Variants in SMAGP observed in about 807,000 individuals in gnomAD.
SMAGP encodes the protein small cell transmembrane and glycosylated protein.
A neutral mutation model predicts 10.1 loss-of-function variants in SMAGP; 7 were observed. The ratio of observed to expected loss-of-function variants is 0.70; its 90% confidence interval spans 0.40 to 1.31. The LOEUF (loss-of-function observed/expected upper bound fraction) is 1.31. SMAGP is among the 50% of genes most tolerant of loss of function. The pLI is 0.01. For synonymous variants in SMAGP, 49 were observed against 47.2 expected (o/e 1.04, Z -0.16); for missense variants, 113 against 116.5 (o/e 0.97, Z 0.14).
rs1945004570 is a variant in SMAGP, at chr12:51,269,254, AAGG to A, written c.22_24del (p.Pro8del). The A allele has an allele frequency of 6.2e-7, 1 of 1,613,806 alleles. No individual in the cohort carries two copies. The highest frequency in any genetic ancestry group is 8.5e-7 in the Non-Finnish European group (1 of 1,179,794). ...AAAGGCCTTCACCTACCTCTTGGAG[AAGG>A]AGTAGTCAGGAGGCTGGTCATTGTC... On this transcript the variant is annotated inframe_deletion, in exon 2 of 4. Coordinates refer to ENST00000603798, the MANE Select transcript of SMAGP (RefSeq NM_001031628.2).
intron 2 of SMAGP, among the ~76,000 whole-genome samples, chr12:51,268,586 T>TCCTCCCTCCTCCCCC (rs57975745): frequency 1.5e-4 from 21 of 138,126 alleles, no homozygotes; most frequent in East Asian, 2.2e-4. Flanking sequence ...TCCTTTCCTT[T>TCCTCCCTCCTCCCCC]CCTCCCTCCC....
At chr12:51,253,947 T>C (rs1354944043) in intron 2 of SMAGP, among the ~76,000 whole-genome samples, 3 of 152,182 alleles carry the variant, frequency 2.0e-5, no homozygotes, top group East Asian at 3.9e-4. Flanking sequence ...ATTCCACTTA[T>C]ATGATGTGCT....
chr12:51,262,580 G>A (rs76897133), intron 2 of SMAGP, among the ~76,000 whole-genome samples: 2,325 of 152,142 alleles, frequency 0.015, 62 homozygotes, highest in African/African-American at 0.053. Context: ...ATTCTCTCCC[G>A]TTTCTACCCC....
intron 2 of SMAGP, among the ~76,000 whole-genome samples, chr12:51,268,126 G>A (rs1462087543): frequency 6.6e-6 from 1 of 152,012 alleles, no homozygotes; most frequent in Non-Finnish European, 1.5e-5. Flanking sequence ...CCCGGCCTCC[G>A]CACACCTTCA....
chr12:51,254,043 T>C (rs1944865454), intron 2 of SMAGP, among the ~76,000 whole-genome samples: 1 of 152,148 alleles, frequency 6.6e-6, no homozygotes, highest in Admixed American at 6.5e-5. Context: ...TAATGTTTAA[T>C]GAGTATAGAG....
At chr12:51,259,904 G>A (rs1358820813) in intron 2 of SMAGP, among the ~76,000 whole-genome samples, 1 of 151,838 alleles carries the variant, frequency 6.6e-6, no homozygotes, top group Admixed American at 6.6e-5. Flanking sequence ...TTGTAGAGAG[G>A]GAGTCTTGCT....
At chr12:51,268,879 C>A (rs544685802) in intron 2 of SMAGP, among the ~76,000 whole-genome samples, 1 of 152,130 alleles carries the variant, frequency 6.6e-6, no homozygotes, top group Non-Finnish European at 1.5e-5. Context: ...AGCCACCACG[C>A]CCGGCCTCTT....
intron 2 of SMAGP, among the ~76,000 whole-genome samples, chr12:51,256,424 T>A (rs1226443226): frequency 6.6e-6 from 1 of 150,570 alleles, no homozygotes; most frequent in Non-Finnish European, 1.5e-5. Flanking sequence ...CAGCTCTATT[T>A]AAAAAAACAC....
chr12:51,260,786 A>C (rs12811622), intron 2 of SMAGP, among the ~76,000 whole-genome samples: 2 of 138,390 alleles, frequency 1.4e-5, no homozygotes, highest in Non-Finnish European at 3.1e-5. Flanking sequence ...CCTGGGTTCA[A>C]GCGATTCTCC....
chr12:51,262,473 T>G (rs1944939924), intron 2 of SMAGP, among the ~76,000 whole-genome samples: 1 of 152,172 alleles, frequency 6.6e-6, no homozygotes, highest in South Asian at 2.1e-4. Context: ...ACTGAGGCCC[T>G]GTCTCAAAAA....
chr12:51,269,587 A>C (rs1945007942), intron 1 of SMAGP: 1 of 330,786 alleles, frequency 3.0e-6, no homozygotes, highest in Non-Finnish European at 5.7e-6. Context: ...ATTTACTTAG[A>C]TCTCTCAAGG....
chr12:51,247,838 C>T (rs1039905486), intron 2 of SMAGP, among the ~76,000 whole-genome samples: 1 of 152,204 alleles, frequency 6.6e-6, no homozygotes, highest in Non-Finnish European at 1.5e-5. Context: ...GGCTCACCCT[C>T]CACTGCACCC....
chr12:51,262,601 CCAAA>C (rs1944940691), intron 2 of SMAGP, among the ~76,000 whole-genome samples: 1 of 152,124 alleles, frequency 6.6e-6, no homozygotes, highest in Admixed American at 6.5e-5. Flanking sequence ...ATTTTTTTGT[CCAAA>C]CAAAGGAATA....
chr12:51,259,571 G>C (rs1423618026), intron 2 of SMAGP, among the ~76,000 whole-genome samples: 2 of 152,112 alleles, frequency 1.3e-5, no homozygotes, highest in Non-Finnish European at 1.5e-5. Context: ...TACTCACAAA[G>C]AATGGGGAAG....
At chr12:51,263,349 C>T (rs1944945902) in intron 2 of SMAGP, among the ~76,000 whole-genome samples, 2 of 151,526 alleles carry the variant, frequency 1.3e-5, no homozygotes, top group Admixed American at 1.3e-4. Context: ...CACCACTACA[C>T]TCCAGCCTGG....
rs769883835 is a variant in SMAGP, at chr12:51,269,257, G to A, written c.22C>T (p.Pro8Ser). Residue 8 changes from proline to serine, a missense_variant, in exon 2 of 4, where the codon CCT becomes TCT. By Grantham distance (74) the Pro-to-Ser change is moderately conservative. Coordinates refer to ENST00000603798, the MANE Select transcript of SMAGP (RefSeq NM_001031628.2). MTSLLTT[P>S]SPREELMTTP... ...GGCCTTCACCTACCTCTTGGAGAAG[G>A]AGTAGTCAGGAGGCTGGTCATTGTC... The A allele has an allele frequency of 1.2e-6, 2 of 1,613,818 alleles. No individual in the cohort carries two copies. Among genetic ancestry groups the A allele is most frequent in the Non-Finnish European group, 1.7e-6 (2 of 1,179,826 alleles).
At chr12:51,261,802 A>G (rs1486902369) in intron 2 of SMAGP, among the ~76,000 whole-genome samples, 1 of 152,210 alleles carries the variant, frequency 6.6e-6, no homozygotes, top group Admixed American at 6.5e-5. Flanking sequence ...GAAATAAATT[A>G]CAGGCCATCC....
At chr12:51,265,540 A>G (rs2137311051) in intron 2 of SMAGP, among the ~76,000 whole-genome samples, 1 of 152,358 alleles carries the variant, frequency 6.6e-6, no homozygotes, top group Admixed American at 6.5e-5. Flanking sequence ...GCCTTGAAAA[A>G]GTAGGAAATT....
At chr12:51,254,098 G>A (rs1944866134) in intron 2 of SMAGP, among the ~76,000 whole-genome samples, 1 of 152,308 alleles carries the variant, frequency 6.6e-6, no homozygotes, top group South Asian at 2.1e-4. Flanking sequence ...GCATAGTGGT[G>A]TTGGTGAAGG....
Sources: allele counts gnomAD v4.1 joint callset (sites outside exome capture counted in the v4.1 genomes callset), GRCh38; gene constraint gnomAD v4.1.1; transcripts MANE v1.5; gene names NCBI Gene and HGNC (gene_info 2026-07-23, HGNC 2026-07-21).